The following KCNH1 variants were observed in gnomAD, a reference collection of about 807,000 sequenced individuals.
The protein encoded by KCNH1 is potassium voltage-gated channel subfamily H member 1.
KCNH1 carries 27 observed loss-of-function variants against 69.2 expected under a neutral mutation model. That is an observed-to-expected ratio of 0.39 (90% CI 0.29 to 0.54). The LOEUF (loss-of-function observed/expected upper bound fraction) is 0.54. Among genes scored for constraint, KCNH1 ranks in the 20% least tolerant of loss-of-function variants. The pLI is 0.68. For synonymous variants in KCNH1, 456 were observed against 487.7 expected (o/e 0.93, Z 0.86); for missense variants, 798 against 1,261.6 (o/e 0.63, Z 5.57).
intron 7 of KCNH1, among the ~76,000 whole-genome samples, chr1:210,827,653 G>C (rs911104195): frequency 3.3e-5 from 5 of 152,180 alleles, no homozygotes; most frequent in African/African-American, 1.2e-4. Flanking sequence ...AGGAACTGAA[G>C]ACTAGGACAT....
intron 6 of KCNH1, among the ~76,000 whole-genome samples, chr1:211,017,619 T>C (rs1400788182): frequency 6.6e-6 from 1 of 152,196 alleles, no homozygotes; most frequent in Non-Finnish European, 1.5e-5. Flanking sequence ...TAGATAAGAA[T>C]CTGACATTTT....
In KCNH1 at chr1:210,919,232, GA is replaced by G. The variant is rs1278692722; in HGVS notation, c.1462+407del. ...AAATATATACAATTTTTATTAAAAA[GA>G]AAAAAATTGACATGAAAAGACTTCC... On this transcript the variant is annotated intron_variant, in intron 7 of 10. Coordinates refer to ENST00000271751, the MANE Select transcript of KCNH1 (RefSeq NM_172362.3). The surrounding 1 kb of genome is among the most constrained non-coding windows in gnomAD (Gnocchi z 4.2). 4 of 156,740 alleles carry G rather than the reference GA, an allele frequency of 2.6e-5. No homozygotes were observed. Among genetic ancestry groups the G allele is most frequent in the Non-Finnish European group, 4.2e-5 (3 of 70,912 alleles). 9.7% of individuals were successfully genotyped at this position (156,740 alleles called of 1,614,324 possible). A position where few individuals can be genotyped will look rare whatever the true frequency, so the allele number is the denominator to read the frequency against.
At position 210,804,579 on chromosome 1, in the gene KCNH1, G is replaced by A. The variant is rs532778943; in HGVS notation, c.1463-413C>T. Among the ~76,000 whole-genome samples the A allele has an allele frequency of 3.3e-5, 5 of 152,310 alleles. No individual in the cohort carries two copies. In the South Asian group the frequency reaches 1.0e-3, roughly 32 times the overall value. ...ATGTGTGCCTATGTGTTCCACACCAGTCAAAATCCAAACCCATCAGTGAAT... is the reference window on the plus strand; with the variant it reads ...ATGTGTGCCTATGTGTTCCACACCAATCAAAATCCAAACCCATCAGTGAAT... On this transcript the variant is annotated intron_variant, in intron 7 of 10. Transcript: ENST00000271751.
intron 7 of KCNH1, among the ~76,000 whole-genome samples, chr1:210,853,946 C>CAAAAAAAAAAAAAAAAAAAAAAAAAA (rs11445997): frequency 4.9e-5 from 3 of 61,532 alleles, no homozygotes; most frequent in African/African-American, 2.2e-4. Flanking sequence ...TTATCTAAGC[C>CAAAAAAAAAAAAAAAAAAAAAAAAAA]AAAAAAAAAA....
chr1:211,061,178 T>C (rs1216571427), intron 5 of KCNH1, among the ~76,000 whole-genome samples: 1 of 152,156 alleles, frequency 6.6e-6, no homozygotes, highest in Non-Finnish European at 1.5e-5. Flanking sequence ...ATCAGTGTGC[T>C]GCATATCAAC....
At chr1:210,969,883 C>T (rs547341705) in intron 6 of KCNH1, among the ~76,000 whole-genome samples, 22 of 151,906 alleles carry the variant, frequency 1.4e-4, no homozygotes, top group African/African-American at 5.1e-4. Context: ...TAGCCTCATC[C>T]CACAACTTTT....
rs1682353730 is a variant in KCNH1 at position 210,718,548 on chromosome 1, A to ATATATATAAAATATATACATATATT, written c.2113-34435_2113-34411dup. Reference sequence around the variant, plus strand: ...ATATATAAAATATATACATATATGTATATATATAAAATATATACATATATT... The same window carrying ATATATATAAAATATATACATATATT: ...ATATATAAAATATATACATATATGTATATATATAAAATATATACATATATTTATATATAAAATATATACATATATT... On this transcript the variant is annotated intron_variant, in intron 10 of 10. Transcript: ENST00000271751. Among the ~76,000 whole-genome samples, 2 of 113,874 alleles carry ATATATATAAAATATATACATATATT rather than the reference A, an allele frequency of 1.8e-5. 1 individual carries two copies. The highest frequency in any genetic ancestry group is 3.4e-5 in the Non-Finnish European group (2 of 58,124). The allele number at this position is 113,874 out of a possible 152,430, so 74.7% of individuals were successfully genotyped here.
intron 10 of KCNH1, among the ~76,000 whole-genome samples, chr1:210,751,379 G>A (rs1488228434): frequency 6.6e-6 from 1 of 152,184 alleles, no homozygotes; most frequent in Non-Finnish European, 1.5e-5. Context: ...TTTAGTGGCT[G>A]TATGACAAAT....
intron 5 of KCNH1, among the ~76,000 whole-genome samples, chr1:211,026,262 G>A (rs1293817234): frequency 6.6e-6 from 1 of 151,346 alleles, no homozygotes; most frequent in African/African-American, 2.4e-5. Context: ...AGAAAAGAAA[G>A]TAAAACGGCT....
At chr1:211,101,373 G>A (rs1171843275) in intron 3 of KCNH1, among the ~76,000 whole-genome samples, 1 of 152,200 alleles carries the variant, frequency 6.6e-6, no homozygotes, top group Admixed American at 6.5e-5. Flanking sequence ...TAACAAATAA[G>A]TTCAAGTTTC....
chr1:211,128,545 G>A (rs1243945348), intron 1 of KCNH1, among the ~76,000 whole-genome samples: 1 of 152,056 alleles, frequency 6.6e-6, no homozygotes, highest in Non-Finnish European at 1.5e-5. Context: ...GGAGAGTGAG[G>A]GACTTAGGAT....
intron 5 of KCNH1, among the ~76,000 whole-genome samples, chr1:211,058,134 GA>G (rs1439074933): frequency 1.3e-5 from 2 of 151,980 alleles, no homozygotes; most frequent in African/African-American, 2.4e-5. Context: ...CAAACATGAA[GA>G]AAAAATAAAT....
intron 6 of KCNH1, among the ~76,000 whole-genome samples, chr1:211,012,254 G>A (rs1689407841): frequency 6.6e-6 from 1 of 152,050 alleles, no homozygotes. Flanking sequence ...TTTTACCCAG[G>A]TGCTACCACA....
At chr1:211,117,957 G>C (rs1381794567) in intron 1 of KCNH1, among the ~76,000 whole-genome samples, 1 of 152,164 alleles carries the variant, frequency 6.6e-6, no homozygotes, top group Non-Finnish European at 1.5e-5. Flanking sequence ...GCTGGACTCT[G>C]TGCAGCCTGG....
At chr1:210,740,559 A>G (rs972291635) in intron 10 of KCNH1, among the ~76,000 whole-genome samples, 7 of 151,930 alleles carry the variant, frequency 4.6e-5, no homozygotes, top group African/African-American at 1.7e-4. Context: ...TGCTTTTTAG[A>G]ATTTTACTTA....
chr1:210,996,867 C>T (rs6689715), intron 6 of KCNH1, among the ~76,000 whole-genome samples: 36,202 of 152,096 alleles, frequency 0.24, 5,901 homozygotes, highest in African/African-American at 0.45. Context: ...CTACAGCCAC[C>T]GCTGTTCTGC....
At chr1:211,077,096 A>T (rs1690747381) in intron 5 of KCNH1, among the ~76,000 whole-genome samples, 1 of 152,230 alleles carries the variant, frequency 6.6e-6, no homozygotes. Flanking sequence ...GCCTCCAAGA[A>T]ATATGGCACT....
chr1:210,917,678 C>T (rs533459860), intron 7 of KCNH1, among the ~76,000 whole-genome samples: 9 of 152,218 alleles, frequency 5.9e-5, no homozygotes, highest in Admixed American at 3.3e-4. Context: ...TGAGGTATTT[C>T]GACTGACAAA....
rs1681291716 is a variant in KCNH1, at chr1:210,682,456, A to C, written c.*825T>G. 6.6e-6 allele frequency: 1 copy of C among 152,514 alleles called. No individual in the cohort carries two copies. Among genetic ancestry groups the C allele is most frequent in the Non-Finnish European group, 1.5e-5 (1 of 68,298 alleles). 9.4% of individuals were successfully genotyped at this position (152,514 alleles called of 1,614,324 possible). On this transcript the variant is annotated 3_prime_UTR_variant, in exon 11 of 11. Coordinates refer to ENST00000271751, the MANE Select transcript of KCNH1 (RefSeq NM_172362.3). ...GAAGAGGCCAAGAAGGAACAGAAGC[A>C]AGGGAGCCTGTGTGTGAGGCCAGCA...
Sources: allele counts gnomAD v4.1 joint callset (sites outside exome capture counted in the v4.1 genomes callset), GRCh38; gene constraint gnomAD v4.1.1; non-coding constraint Gnocchi (gnomAD v3.1); transcripts MANE v1.5; gene names NCBI Gene and HGNC (gene_info 2026-07-23, HGNC 2026-07-21).